Variants in RGN observed in about 807,000 individuals in gnomAD.
RGN encodes epididymis secretory protein Li 41.
RGN carries 19 observed loss-of-function variants against 20.6 expected under a neutral mutation model. The ratio of observed to expected loss-of-function variants is 0.92; its 90% confidence interval spans 0.64 to 1.35. The LOEUF (loss-of-function observed/expected upper bound fraction) is 1.35. Ranked by LOEUF, RGN falls within the 40% of genes most tolerant of loss-of-function variation. The pLI, the probability that RGN is intolerant of heterozygous loss-of-function variation, is 0.00. For missense variants in RGN, 302 were observed against 232.7 expected, an observed-to-expected ratio of 1.30 and a Z score of -1.94; for synonymous variants, 85 against 87.2, an observed-to-expected ratio of 0.97 and a Z score of 0.14.
At chrX:47,082,630 T>C (rs782602270) in intron 3 of RGN, among the ~76,000 whole-genome samples, 1 of 111,437 alleles carries the variant, frequency 9.0e-6, no homozygotes, top group African/African-American at 3.3e-5. Flanking sequence ...TCTTTATTTT[T>C]AAATGAAAGG....
intron 1 of RGN, among the ~76,000 whole-genome samples, chrX:47,079,835 T>C (rs1456003702): frequency 1.8e-5 from 2 of 111,717 alleles, no homozygotes; most frequent in Admixed American, 1.9e-4. Flanking sequence ...TAGGACCACT[T>C]ACTTCAAAGC....
At chrX:47,091,477 C>A (rs1441451823) in intron 5 of RGN, among the ~76,000 whole-genome samples, 1 of 111,803 alleles carries the variant, frequency 8.9e-6, no homozygotes, top group Non-Finnish European at 1.9e-5. Context: ...AATGCTTAAA[C>A]AGATATGCCT....
In RGN at chrX:47,084,547, A is replaced by C; in HGVS notation, c.293A>C (p.Lys98Thr). 8.3e-7 allele frequency: 1 copy of C among 1,202,271 alleles called. No homozygotes were observed. ...VVLATVDNDK[K>T]NNRFNDGKVD... ...TTGGCCACGGTGGATAACGACAAGA[A>C]AAACAATCGCTTCAATGATGGGAAG... Residue 98 changes from lysine to threonine, a missense_variant, in exon 4 of 8, where the codon AAA becomes ACA. Transcript: ENST00000397180.
At chrX:47,092,258 A>G in intron 7 of RGN, 43 bp downstream of exon 7, 1 of 1,086,344 alleles carries the variant, frequency 9.2e-7, no homozygotes. Context: ...GGGGATCCCA[A>G]ATACTTACAG....
In RGN at chrX:47,089,791, A is replaced by G. The variant is rs1428651510; in HGVS notation, c.362A>G (p.Glu121Gly). ...GTTTTTGTAGGCACCATGGCTGAGG[A>G]AACAGCTCCAGCAGTTCTTGAGCGG... The part of the protein sequence containing the change: ...GRYFAGTMAE[E>G]TAPAVLERHQ... Residue 121 changes from glutamate (E) to glycine (G), a missense_variant, in exon 5 of 8, where the codon GAA becomes GGA. Transcript: ENST00000397180. 2.5e-6 allele frequency: 3 copies of G among 1,204,904 alleles called. No homozygotes were observed. The highest frequency in any genetic ancestry group is 3.4e-6 in the Non-Finnish European group (3 of 892,798).
At chrX:47,086,608 G>A (rs1556384364) in intron 4 of RGN, among the ~76,000 whole-genome samples, 1 of 109,650 alleles carries the variant, frequency 9.1e-6, no homozygotes, top group African/African-American at 3.3e-5. Context: ...ATTCTCTGCA[G>A]AGGTCTGAAA....
intron 3 of RGN, among the ~76,000 whole-genome samples, chrX:47,081,527 G>A (rs989936027): frequency 2.9e-5 from 3 of 104,858 alleles, no homozygotes; most frequent in African/African-American, 1.0e-4. Context: ...TTTTTTGGGG[G>A]GGGGGGTGTT....
At chrX:47,092,026 C>T (rs1556388110) in intron 6 of RGN, 35 bp from the exon 7 acceptor site, 1 of 1,176,620 alleles carries the variant, frequency 8.5e-7, no homozygotes, top group African/African-American at 1.8e-5. Context: ...GAAATTGCTA[C>T]AACTAAACTT....
At chrX:47,081,361 G>T in intron 3 of RGN, 54 bp downstream of exon 3, 1 of 1,106,523 alleles carries the variant, frequency 9.0e-7, no homozygotes, top group Non-Finnish European at 1.2e-6. Context: ...CAGGGGAGGG[G>T]CGGTCACCAC....
At chrX:47,085,450 G>C (rs1013192583) in intron 4 of RGN, among the ~76,000 whole-genome samples, 1 of 109,984 alleles carries the variant, frequency 9.1e-6, no homozygotes, top group African/African-American at 3.3e-5. Flanking sequence ...CTGGGAGGTG[G>C]AGCTTGCAGT....
chrX:47,081,183 C>G lies in RGN; in HGVS notation c.39C>G (p.Asn13Lys). 2.5e-6 allele frequency: 3 copies of G among 1,206,162 alleles called. No homozygotes were observed. Among genetic ancestry groups the G allele is most frequent in the Non-Finnish European group, 3.4e-6 (3 of 890,395 alleles). The change falls in exon 3 of 8, where the codon AAC becomes AAG. Residue 13 changes from asparagine (N) to lysine (K), a missense_variant. Transcript: ENST00000397180. ...AGATTGAGTGTGTTTTGCCAGAGAA[C>G]TGCCGGTGTGGTGAGTCTCCAGTAT... is the stretch of plus-strand genomic sequence containing the variant. ...SIKIECVLPE[N>K]CRCGESPVWE... is the part of the protein sequence containing the mutation.
rs143192923 is a variant in RGN, at chrX:47,088,047, A to G, written c.347-1729A>G. Among the ~76,000 whole-genome samples, 259 of 102,552 alleles carry G rather than the reference A, an allele frequency of 2.5e-3. 2 individuals are homozygous for G. Among genetic ancestry groups the G allele is most frequent in the African/African-American group, 8.7e-3 (247 of 28,448 alleles). The allele number at this position is 102,552 out of a possible 115,157, so 89.1% of individuals were successfully genotyped here. ...ATGCATAACACTAGTACACTAGTAT[A>G]TACCTGTTAGGTATATACTAGTGCT... is the stretch of plus-strand genomic sequence containing the variant. On this transcript the variant is annotated intron_variant, in intron 4 of 7. Coordinates refer to ENST00000397180, the MANE Select transcript of RGN (RefSeq NM_152869.4).
intron 3 of RGN, among the ~76,000 whole-genome samples, chrX:47,082,303 CTTTTTTTTTT>C (rs11286766): frequency 1.7e-5 from 1 of 59,259 alleles, no homozygotes; most frequent in Non-Finnish European, 3.0e-5. Context: ...GGGACCTCAA[CTTTTTTTTTT>C]TTTTTTTTTT....
intron 4 of RGN, among the ~76,000 whole-genome samples, chrX:47,089,265 T>C (rs1419059096): frequency 1.1e-5 from 1 of 88,416 alleles, no homozygotes; most frequent in African/African-American, 4.2e-5. Flanking sequence ...GGTTCGTGCA[T>C]GTTTACTCCT....
At position 47,089,760 on chromosome X, in the gene RGN, T is replaced by C; in HGVS notation, c.347-16T>C. On this transcript the variant is annotated splice_polypyrimidine_tract_variant and intron_variant, in intron 4 of 7. Coordinates refer to ENST00000397180, the MANE Select transcript of RGN (RefSeq NM_152869.4). ...GATGCTATGGGGCAGAGCTCAGTGC[T>C]CTTTGGTTTTTGTAGGCACCATGGC... is the stretch of plus-strand genomic sequence containing the variant. The C allele has an allele frequency of 2.5e-6, 3 of 1,190,440 alleles. No homozygotes were observed. Among genetic ancestry groups the C allele is most frequent in the Non-Finnish European group, 3.4e-6 (3 of 881,621 alleles).
chrX:47,091,896 G>A, intron 6 of RGN, 87 bp downstream of exon 6: 4 of 1,081,626 alleles, frequency 3.7e-6, no homozygotes, highest in Non-Finnish European at 5.0e-6. Context: ...TTTTCCTGTA[G>A]AGGTGCGACT....
At position 47,080,410 on chromosome X, in the gene RGN, CTT is replaced by C. The variant is rs1930244952; in HGVS notation, c.-540_-539del. ...TTCCTCTCCTGTGGAGTCTAACACT[CTT>C]TGCCAAACTGGCACGGTGTCTTCCT... On this transcript the variant is annotated 5_prime_UTR_variant, in exon 2 of 8. Transcript: ENST00000397180. The C allele has an allele frequency of 2.7e-5, 3 of 111,804 alleles. No individual in the cohort carries two copies. Among genetic ancestry groups the C allele is most frequent in the African/African-American group, 9.8e-5 (3 of 30,762 alleles). 9.2% of individuals were successfully genotyped at this position (111,804 alleles called of 1,213,427 possible).
In RGN at chrX:47,089,951, C is replaced by G. The variant is rs781977550; in HGVS notation, c.522C>G (p.Ser174=). Residue 174 remains serine, a synonymous_variant, in exon 5 of 8, where the codon TCC becomes TCG. Coordinates refer to ENST00000397180, the MANE Select transcript of RGN (RefSeq NM_152869.4). ...ATTACATTGACAGCCTGTCCTACTC[C>G]GTGGATGCCTTTGACTATGACCTGC... is the stretch of plus-strand genomic sequence containing the variant. ...IFYYIDSLSY[S]VDAFDYDLQT... The G allele has an allele frequency of 1.3e-5, 16 of 1,206,459 alleles. No homozygotes were observed. The highest frequency in any genetic ancestry group is 1.8e-5 in the Non-Finnish European group (16 of 892,036).
chrX:47,081,525 G>T lies in RGN; in HGVS notation c.163+218G>T, dbSNP rs958646217. Reference sequence around the variant, plus strand: ...GGCAACATTCCTAGTTTTTTTTTGGGGGGGGGGGTGTTTTTGTTTATTTTT... The same window carrying T: ...GGCAACATTCCTAGTTTTTTTTTGGTGGGGGGGGTGTTTTTGTTTATTTTT... On this transcript the variant is annotated intron_variant, in intron 3 of 7. Transcript: ENST00000397180. Among the ~76,000 whole-genome samples, 255 of 98,577 alleles carry T rather than the reference G, an allele frequency of 2.6e-3. 1 individual carries two copies. Among genetic ancestry groups the T allele is most frequent in the African/African-American group, 9.4e-3 (246 of 26,085 alleles). 85.6% of individuals were successfully genotyped at this position (98,577 alleles called of 115,157 possible).
Sources: gnomAD v4.1 joint callset for allele counts (sites outside exome capture counted in the v4.1 genomes callset) on GRCh38, gnomAD v4.1.1 for gene constraint, MANE v1.5 for transcripts, NCBI Gene and HGNC (gene_info 2026-07-23, HGNC 2026-07-21) for gene names.